The following ANK2 variants were observed in gnomAD, a reference collection of about 807,000 sequenced individuals.
ANK2 encodes ankyrin 2, also known as ankyrin-2.
A neutral mutation model predicts 360.5 loss-of-function variants in ANK2; 83 were observed. That is an observed-to-expected ratio of 0.23 (90% CI 0.19 to 0.28). The LOEUF (loss-of-function observed/expected upper bound fraction) is 0.28, where lower values mean the gene tolerates loss of function less well. Among genes scored for constraint, ANK2 ranks in the 10% least tolerant of loss-of-function variants. ANK2 has a pLI of 1.00. For missense variants in ANK2, 4,201 were observed against 4,795.7 expected (o/e 0.88, Z 3.66); for synonymous variants, 1,740 against 1,759.5 (o/e 0.99, Z 0.28).
the ANK2 span, among the ~76,000 whole-genome samples, chr4:112,735,593 A>G: frequency 6.6e-6 from 1 of 152,172 alleles, no homozygotes; most frequent in African/African-American, 2.4e-5. Flanking sequence ...TGTCAGTCAC[A>G]AGACACCAGT....
intron 1 of ANK2, among the ~76,000 whole-genome samples, chr4:112,893,307 A>G (rs1486159277): frequency 6.6e-6 from 1 of 151,944 alleles, no homozygotes; most frequent in African/African-American, 2.4e-5. Flanking sequence ...GGTGCATGCC[A>G]CCACACCTGG....
At chr4:112,828,351 A>G (rs933732712) in intron 1 of ANK2, among the ~76,000 whole-genome samples, 1 of 147,748 alleles carries the variant, frequency 6.8e-6, no homozygotes, top group Non-Finnish European at 1.5e-5. Flanking sequence ...TCTCTGCCTC[A>G]GCCTCCCTCG....
At chr4:113,006,746 C>A (rs7666402) in intron 2 of ANK2, among the ~76,000 whole-genome samples, 107,732 of 152,062 alleles carry the variant, frequency 0.71, 39,609 homozygotes, top group East Asian at 0.86. Flanking sequence ...AAAATTAAAT[C>A]AACTTTTGCT....
At chr4:112,821,234 A>G (rs2056936218) in intron 1 of ANK2, among the ~76,000 whole-genome samples, 1 of 151,854 alleles carries the variant, frequency 6.6e-6, no homozygotes, top group Admixed American at 6.6e-5. Flanking sequence ...TTTTTTGTAG[A>G]GATGGAGTCT....
intron 2 of ANK2, among the ~76,000 whole-genome samples, chr4:113,018,665 C>T (rs938001777): frequency 1.3e-5 from 2 of 152,198 alleles, no homozygotes; most frequent in African/African-American, 4.8e-5. Flanking sequence ...TATCATCCTG[C>T]AGAGGCACAG....
At chr4:112,850,953 G>A (rs1441508951) in intron 1 of ANK2, among the ~76,000 whole-genome samples, 1 of 152,070 alleles carries the variant, frequency 6.6e-6, no homozygotes, top group East Asian at 1.9e-4. Flanking sequence ...TGATGTATAT[G>A]TTGATACTTC....
intron 24 of ANK2, among the ~76,000 whole-genome samples, chr4:113,317,054 C>G (rs1241133969): frequency 2.6e-5 from 4 of 152,136 alleles, no homozygotes; most frequent in East Asian, 3.9e-4. Context: ...GCAAAGGGGA[C>G]AGTGCTCTCG....
chr4:113,049,564 G>T, upstream of ANK2: 1 of 1,369,410 alleles, frequency 7.3e-7, no homozygotes. Context: ...AACAGTTGTG[G>T]CAGCTGCTGC....
chr4:112,983,443 G>A (rs1447111540), intron 2 of ANK2, among the ~76,000 whole-genome samples: 2 of 151,692 alleles, frequency 1.3e-5, no homozygotes, highest in Non-Finnish European at 2.9e-5. Context: ...TTGGGAGGCC[G>A]AGATGGGCAG....
the ANK2 span, among the ~76,000 whole-genome samples, chr4:112,808,406 T>TCAA: frequency 6.6e-6 from 1 of 152,218 alleles, no homozygotes; most frequent in Non-Finnish European, 1.5e-5. Context: ...AGTAATCAAA[T>TCAA]ATTATGTCAC....
chr4:113,084,308 G>GA (rs2083605213), intron 1 of ANK2, among the ~76,000 whole-genome samples: 1 of 152,226 alleles, frequency 6.6e-6, no homozygotes, highest in African/African-American at 2.4e-5. Flanking sequence ...GCTTCTCTGT[G>GA]AAAAAGCAGC....
chr4:112,856,058 C>G (rs2066327235), intron 1 of ANK2, among the ~76,000 whole-genome samples: 1 of 152,084 alleles, frequency 6.6e-6, no homozygotes, highest in African/African-American at 2.4e-5. Flanking sequence ...ATTTGGACTC[C>G]ACATAGAAAT....
intron 2 of ANK2, among the ~76,000 whole-genome samples, chr4:113,044,399 G>T (rs542525331): frequency 1.3e-5 from 2 of 152,106 alleles, no homozygotes; most frequent in Non-Finnish European, 2.9e-5. Flanking sequence ...TCAACGTGGC[G>T]TACACTTCCA....
chr4:112,913,884 A>G (rs1207535378), intron 2 of ANK2, among the ~76,000 whole-genome samples: 1 of 152,144 alleles, frequency 6.6e-6, no homozygotes, highest in Non-Finnish European at 1.5e-5. Flanking sequence ...TTTTCTCTAT[A>G]TATTTTTAAA....
At chr4:112,781,576 A>G in the ANK2 span, among the ~76,000 whole-genome samples, 53 of 152,258 alleles carry the variant, frequency 3.5e-4, no homozygotes, top group African/African-American at 1.3e-3. Flanking sequence ...GAGATTGTCA[A>G]TCAATTGTAA....
the ANK2 span, among the ~76,000 whole-genome samples, chr4:112,759,214 C>A: frequency 1.3e-5 from 2 of 152,128 alleles, no homozygotes; most frequent in African/African-American, 4.8e-5. Context: ...TAGGTCACTG[C>A]AGCTTCAAAC....
intron 1 of ANK2, among the ~76,000 whole-genome samples, chr4:113,066,754 G>A (rs922094034): frequency 1.3e-5 from 2 of 152,100 alleles, no homozygotes; most frequent in Non-Finnish European, 2.9e-5. Flanking sequence ...TGAGTAGAGC[G>A]TGGACTCTGG....
At position 112,984,299 on chromosome 4, in the gene ANK2, A is replaced by C. The variant is rs188347353; in HGVS notation, c.21+79785A>C. On this transcript the variant is annotated intron_variant, in intron 2 of 30. Transcript: ENST00000503271. ...CATACCTGAGACTGGGCAATTTACA[A>C]AAGAAAGGTTTAATGGATTTACAGT... is the stretch of plus-strand genomic sequence containing the variant. 2.5e-3 allele frequency among the ~76,000 whole-genome samples: 388 copies of C among 152,300 alleles called. 1 individual carries two copies. The highest frequency in any genetic ancestry group is 8.4e-3 in the African/African-American group (351 of 41,554).
chr4:113,368,499 GC>G (rs1164544351), intron 42 of ANK2, among the ~76,000 whole-genome samples: 24 of 152,218 alleles, frequency 1.6e-4, no homozygotes, highest in African/African-American at 5.8e-4. Context: ...GCTGAAGGAA[GC>G]TGCAGGCCTA....
Sources: allele counts gnomAD v4.1 joint callset (sites outside exome capture counted in the v4.1 genomes callset), GRCh38; gene constraint gnomAD v4.1.1; transcripts MANE v1.5; gene names NCBI Gene and HGNC (gene_info 2026-07-23, HGNC 2026-07-21).